CNOT4: variants seen among roughly 807,000 people sequenced by gnomAD.
The protein encoded by CNOT4 is CCR4-NOT transcription complex subunit 4.
CNOT4 carries 8 observed loss-of-function variants against 73.8 expected under a neutral mutation model. The observed-to-expected ratio is 0.11, with a 90% CI of 0.06 to 0.20. The LOEUF is 0.20. Among genes scored for constraint, CNOT4 ranks in the 10% least tolerant of loss-of-function variants. CNOT4 has a pLI of 1.00. For missense variants in CNOT4, 564 were observed against 883.4 expected (o/e 0.64, Z 4.58); for synonymous variants, 293 against 321.1 (o/e 0.91, Z 0.94).
chr7:135,438,669 TA>T lies in CNOT4; in HGVS notation c.-92-247del, dbSNP rs368775847. ...CCTTTTTTCTCGATAAAACATTTAG[TA>T]CTAGCCTATAGCACTCATCATAACA... is the stretch of plus-strand genomic sequence containing the variant. On this transcript the variant is annotated intron_variant, in intron 1 of 11. Transcript: ENST00000541284. 4.3e-3 allele frequency among the ~76,000 whole-genome samples: 650 copies of T among 152,336 alleles called. 7 individuals carry two copies. The highest frequency in any genetic ancestry group is 0.015 in the African/African-American group (622 of 41,576).
intron 10 of CNOT4, among the ~76,000 whole-genome samples, chr7:135,375,536 G>A (rs1795466777): frequency 6.6e-6 from 1 of 152,204 alleles, no homozygotes; most frequent in Non-Finnish European, 1.5e-5. Flanking sequence ...GTGTGTATGT[G>A]TTTCACGGAA....
At chr7:135,449,528 C>G (rs967874977) in intron 1 of CNOT4, among the ~76,000 whole-genome samples, 4 of 152,028 alleles carry the variant, frequency 2.6e-5, no homozygotes, top group Non-Finnish European at 4.4e-5. Flanking sequence ...TTGCACAACA[C>G]TAAAGACAAC....
intron 1 of CNOT4, among the ~76,000 whole-genome samples, chr7:135,461,020 T>C (rs1183660004): frequency 6.6e-6 from 1 of 152,230 alleles, no homozygotes; most frequent in Non-Finnish European, 1.5e-5. Context: ...TTTTAGCTCA[T>C]GGACTTTACA....
chr7:135,437,346 C>T (rs1193827758), intron 2 of CNOT4, among the ~76,000 whole-genome samples: 5 of 152,240 alleles, frequency 3.3e-5, no homozygotes, highest in East Asian at 3.9e-4. Context: ...CTCGCCACCA[C>T]GCCTGCCTAA....
chr7:135,378,251 C>T lies in CNOT4; in HGVS notation c.1628-14185G>A, dbSNP rs140110727. Among the ~76,000 whole-genome samples, 1,319 of 152,288 alleles carry T rather than the reference C, an allele frequency of 8.7e-3. 24 individuals are homozygous for T. The highest frequency in any genetic ancestry group is 0.03 in the African/African-American group (1,259 of 41,546). ...GGGCGCAGTGGGTCACGCCTGTAATCCCAGCACTTTGGGAGGCCAAGGCAG... is the reference window on the plus strand; with the variant it reads ...GGGCGCAGTGGGTCACGCCTGTAATTCCAGCACTTTGGGAGGCCAAGGCAG... On this transcript the variant is annotated intron_variant, in intron 10 of 11. Transcript: ENST00000541284.
At chr7:135,374,189 CT>C (rs1036270173) in intron 10 of CNOT4, among the ~76,000 whole-genome samples, 2 of 152,162 alleles carry the variant, frequency 1.3e-5, no homozygotes, top group Admixed American at 1.3e-4. Flanking sequence ...AACTCAAAGA[CT>C]TTGTAGTTAG....
intron 2 of CNOT4, among the ~76,000 whole-genome samples, chr7:135,423,689 G>T (rs1798319624): frequency 6.6e-6 from 1 of 152,002 alleles, no homozygotes; most frequent in Admixed American, 6.6e-5. Flanking sequence ...TGTTATCAAT[G>T]AATTAGAGCT....
intron 1 of CNOT4, among the ~76,000 whole-genome samples, chr7:135,443,172 G>A (rs1435685425): frequency 6.9e-6 from 1 of 144,190 alleles, no homozygotes; most frequent in Non-Finnish European, 1.5e-5. Context: ...GCACCATGGC[G>A]AAACCCTATC....
intron 10 of CNOT4, among the ~76,000 whole-genome samples, chr7:135,383,719 G>A (rs1390767770): frequency 6.6e-6 from 1 of 152,140 alleles, no homozygotes; most frequent in Non-Finnish European, 1.5e-5. Flanking sequence ...GCATTGAGTG[G>A]TTATCACAGT....
chr7:135,413,388 T>C, intron 6 of CNOT4, 100 bp downstream of exon 6: 2 of 1,395,998 alleles, frequency 1.4e-6, no homozygotes, highest in East Asian at 2.3e-5. Flanking sequence ...TATCAGTTTT[T>C]ACAAAATCAA....
chr7:135,403,601 A>T (rs1348533886), intron 7 of CNOT4, among the ~76,000 whole-genome samples: 1 of 152,158 alleles, frequency 6.6e-6, no homozygotes, highest in Non-Finnish European at 1.5e-5. Context: ...AGAATAAATT[A>T]AAAAATAAAA....
chr7:135,486,232 G>C (rs771675361), intron 1 of CNOT4, among the ~76,000 whole-genome samples: 3 of 152,100 alleles, frequency 2.0e-5, no homozygotes, highest in Non-Finnish European at 1.5e-5. Flanking sequence ...TAACCAATTT[G>C]AAAATGGACA....
intron 10 of CNOT4, chr7:135,388,780 T>C: frequency 1.2e-6 from 2 of 1,611,564 alleles, no homozygotes; most frequent in Non-Finnish European, 1.7e-6. Flanking sequence ...AATCCTCTCC[T>C]CTCAGTTCTG....
Position 135,438,193 on chromosome 7 carries a change from T to C in CNOT4, c.139A>G (p.Thr47Ala). 6.2e-7 allele frequency: 1 copy of C among 1,605,874 alleles called. No homozygotes were observed. Among genetic ancestry groups the C allele is most frequent in the Non-Finnish European group, 8.5e-7 (1 of 1,172,454 alleles). ...ICRFCWHRIRTDENGLCPACR... is the reference protein window; with the variant it reads ...ICRFCWHRIRADENGLCPACR... Reference sequence around the variant, plus strand: ...GCAGGACAAAGCCCATTTTCATCAGTGCGAATTCGATGCCAACAAAATCGG... The same window carrying C: ...GCAGGACAAAGCCCATTTTCATCAGCGCGAATTCGATGCCAACAAAATCGG... Residue 47 changes from threonine (T) to alanine (A), a missense_variant, in exon 2 of 12, where the codon ACT becomes GCT. Around this residue, in one of 10 missense-constraint regions of CNOT4, gnomAD observed 76 missense variants for 208.7 expected, o/e 0.36. Transcript: ENST00000541284.
intron 1 of CNOT4, among the ~76,000 whole-genome samples, chr7:135,508,455 C>G (rs1804512462): frequency 6.6e-6 from 1 of 152,210 alleles, no homozygotes; most frequent in South Asian, 2.1e-4. Context: ...TCCCAGCCCC[C>G]TTCTTTTCTA....
intron 6 of CNOT4, among the ~76,000 whole-genome samples, chr7:135,412,596 T>C (rs938544090): frequency 6.6e-6 from 1 of 151,952 alleles, no homozygotes; most frequent in Non-Finnish European, 1.5e-5. Flanking sequence ...TCTGATGTAT[T>C]TATTATAATG....
chr7:135,427,537 T>A (rs1209822572), intron 2 of CNOT4, among the ~76,000 whole-genome samples: 1 of 152,210 alleles, frequency 6.6e-6, no homozygotes, highest in Non-Finnish European at 1.5e-5. Flanking sequence ...TCAGAAATCA[T>A]GTTCCAAGTA....
At chr7:135,471,067 T>C (rs1370476327) in intron 1 of CNOT4, among the ~76,000 whole-genome samples, 1 of 152,242 alleles carries the variant, frequency 6.6e-6, no homozygotes, top group Non-Finnish European at 1.5e-5. Flanking sequence ...CTACTATATG[T>C]AATTTCATTC....
Position 135,444,718 on chromosome 7 carries a change from C to T in CNOT4, c.-92-6295G>A, listed in dbSNP as rs1486256183. 4.6e-6 allele frequency: 6 copies of T among 1,303,204 alleles called. No individual in the cohort carries two copies. In the African/African-American group the frequency reaches 7.3e-5, roughly 16 times the overall value. 80.7% of individuals were successfully genotyped at this position (1,303,204 alleles called of 1,614,324 possible). ...CCGGCTGCTTGTTTGAATCCTTGCT[C>T]TGCGATGGGCTATTCCCTGGCTGCG... On this transcript the variant is annotated intron_variant, in intron 1 of 11. Coordinates refer to ENST00000541284, the MANE Select transcript of CNOT4 (RefSeq NM_001190850.2).
Sources: allele counts gnomAD v4.1 joint callset (sites outside exome capture counted in the v4.1 genomes callset), GRCh38; gene constraint gnomAD v4.1.1; regional missense constraint gnomAD v4.1.1; transcripts MANE v1.5; gene names NCBI Gene and HGNC (gene_info 2026-07-23, HGNC 2026-07-21).